Variants in DLGAP2 observed in about 807,000 individuals in gnomAD.
DLGAP2 encodes the protein DLG associated protein 2, also known as disks large-associated protein 2.
DLGAP2 carries 26 observed loss-of-function variants against 100.3 expected under a neutral mutation model. The ratio of observed to expected loss-of-function variants is 0.26; its 90% CI spans 0.19 to 0.36. DLGAP2 has a LOEUF of 0.36. DLGAP2 is among the 10% of genes least tolerant of loss of function. DLGAP2 has a pLI of 1.00. For missense variants in DLGAP2, 1,858 were observed against 1,453.2 expected (o/e 1.28, Z -4.53); for synonymous variants, 886 against 630.1 (o/e 1.41, Z -6.08).
intron 3 of DLGAP2, among the ~76,000 whole-genome samples, chr8:1,443,046 C>G (rs1335509549): frequency 6.6e-6 from 1 of 152,196 alleles, no homozygotes; most frequent in Non-Finnish European, 1.5e-5. Context: ...TAGTGCATTT[C>G]TCTTTGTTAG....
At chr8:892,043 C>T (rs1183007917) in intron 1 of DLGAP2, among the ~76,000 whole-genome samples, 2 of 152,224 alleles carry the variant, frequency 1.3e-5, no homozygotes, top group Non-Finnish European at 1.5e-5. Context: ...CTGTCAAAAC[C>T]GCAGATAATA....
At chr8:1,155,922 G>T (rs1796775306) in intron 2 of DLGAP2, among the ~76,000 whole-genome samples, 1 of 152,228 alleles carries the variant, frequency 6.6e-6, no homozygotes, top group Non-Finnish European at 1.5e-5. Flanking sequence ...GAGGCCGAGG[G>T]AGCTTCGGGG....
intron 2 of DLGAP2, among the ~76,000 whole-genome samples, chr8:1,166,757 A>T (rs1463323245): frequency 6.6e-6 from 1 of 152,216 alleles, no homozygotes; most frequent in Admixed American, 6.5e-5. Flanking sequence ...TACAATTATT[A>T]TTTGTCAATT....
chr8:1,253,763 C>G (rs189996009), intron 2 of DLGAP2, among the ~76,000 whole-genome samples: 11 of 152,314 alleles, frequency 7.2e-5, no homozygotes, highest in African/African-American at 1.7e-4. Context: ...AGACTCTGCA[C>G]TAATGATGAT....
intron 2 of DLGAP2, among the ~76,000 whole-genome samples, chr8:1,235,067 A>ATCGTGTCTAGTTCCCTCTCACATGGCG (rs1798615803): frequency 1.4e-5 from 2 of 148,068 alleles, no homozygotes; most frequent in African/African-American, 5.0e-5. Flanking sequence ...CTCACATGGC[A>ATCGTGTCTAGTTCCCTCTCACATGGCG]TCGTGTCTAG....
chr8:1,050,408 C>CT (rs1172173891), intron 2 of DLGAP2, among the ~76,000 whole-genome samples: 1 of 152,194 alleles, frequency 6.6e-6, no homozygotes, highest in Admixed American at 6.5e-5. Flanking sequence ...TGCGAGGTGG[C>CT]TTTTGCCCAC....
rs374860836 is a variant in DLGAP2, at chr8:1,266,603, T to A, written c.106+7720T>A. Among the ~76,000 whole-genome samples, 13 of 152,336 alleles carry A rather than the reference T, an allele frequency of 8.5e-5. No individual in the cohort carries two copies. In the East Asian group the frequency reaches 2.3e-3, roughly 27 times the overall value. On this transcript the variant is annotated intron_variant, in intron 3 of 14. Coordinates refer to ENST00000637795, the MANE Select transcript of DLGAP2 (RefSeq NM_001346810.2). The stretch of plus-strand genomic sequence containing the variant: ...GCCCCTACTGGTCTGTCCAATGCTG[T>A]TTAACCACATATGAAATATGCACCC...
At chr8:1,654,501 A>C (rs1344784068) in intron 8 of DLGAP2, among the ~76,000 whole-genome samples, 2 of 151,984 alleles carry the variant, frequency 1.3e-5, no homozygotes, top group Non-Finnish European at 2.9e-5. Flanking sequence ...ATCTCTACTA[A>C]AGATACAAAA....
intron 2 of DLGAP2, among the ~76,000 whole-genome samples, chr8:1,153,876 C>G (rs1796736548): frequency 6.6e-6 from 1 of 152,180 alleles, no homozygotes; most frequent in Non-Finnish European, 1.5e-5. Context: ...AAAAATATTA[C>G]TGACATGAAA....
chr8:1,349,646 ACAGGTAGGAAGGGG>A (rs1563098553), intron 3 of DLGAP2, among the ~76,000 whole-genome samples: 32 of 114,078 alleles, frequency 2.8e-4, no homozygotes, highest in East Asian at 6.1e-4. Context: ...ACATCCACAC[ACAGGTAGGAAGGGG>A]TGTTTGAGGG....
At chr8:861,976 T>C (rs893050337) in intron 1 of DLGAP2, among the ~76,000 whole-genome samples, 1 of 152,248 alleles carries the variant, frequency 6.6e-6, no homozygotes, top group African/African-American at 2.4e-5. Context: ...TATGCATAAA[T>C]TCTCATCCCA....
At chr8:1,263,165 T>C (rs1289479044) in intron 3 of DLGAP2, among the ~76,000 whole-genome samples, 1 of 152,184 alleles carries the variant, frequency 6.6e-6, no homozygotes, top group African/African-American at 2.4e-5. Flanking sequence ...TCTTTAGCAA[T>C]CGAGGCCTCA....
At chr8:779,150 C>T (rs1821615993) in intron 1 of DLGAP2, among the ~76,000 whole-genome samples, 3 of 152,252 alleles carry the variant, frequency 2.0e-5, no homozygotes, top group Non-Finnish European at 4.4e-5. Context: ...AGGGAACTCC[C>T]TGACGCCTTG....
chr8:1,076,517 G>A (rs1273333962), intron 2 of DLGAP2, among the ~76,000 whole-genome samples: 9 of 152,246 alleles, frequency 5.9e-5, no homozygotes, highest in Admixed American at 4.6e-4. Flanking sequence ...GGTTGGTCTC[G>A]GAAGATGGCC....
At chr8:1,319,010 TG>T (rs1370009096) in intron 3 of DLGAP2, among the ~76,000 whole-genome samples, 1 of 152,012 alleles carries the variant, frequency 6.6e-6, no homozygotes, top group African/African-American at 2.4e-5. Flanking sequence ...GAGATTTAGG[TG>T]GTGTATCAGT....
At chr8:811,710 C>G (rs1210318906) in intron 1 of DLGAP2, among the ~76,000 whole-genome samples, 2 of 149,424 alleles carry the variant, frequency 1.3e-5, no homozygotes, top group Non-Finnish European at 3.0e-5. Flanking sequence ...TCGGATGAAG[C>G]TCCCATCATC....
chr8:1,036,368 C>A (rs1198380936), intron 2 of DLGAP2, among the ~76,000 whole-genome samples: 1 of 152,250 alleles, frequency 6.6e-6, no homozygotes, highest in African/African-American at 2.4e-5. Context: ...CACAAGACCC[C>A]CCGACGTGTG....
intron 3 of DLGAP2, among the ~76,000 whole-genome samples, chr8:1,476,434 C>G (rs1470581117): frequency 6.6e-6 from 1 of 152,140 alleles, no homozygotes; most frequent in Non-Finnish European, 1.5e-5. Flanking sequence ...AAGGGCGTCA[C>G]CTGTTCCTTC....
At chr8:956,731 A>C (rs1270170996) in intron 2 of DLGAP2, among the ~76,000 whole-genome samples, 1 of 152,228 alleles carries the variant, frequency 6.6e-6, no homozygotes, top group Non-Finnish European at 1.5e-5. Context: ...TAGGCAAGGG[A>C]AGCCCTCTCC....
Sources: gnomAD v4.1 joint callset for allele counts (sites outside exome capture counted in the v4.1 genomes callset) on GRCh38, gnomAD v4.1.1 for gene constraint, MANE v1.5 for transcripts, NCBI Gene and HGNC (gene_info 2026-07-23, HGNC 2026-07-21) for gene names.